The following DCC variants were observed in gnomAD, a reference collection of about 807,000 sequenced individuals.
The protein encoded by DCC is netrin receptor DCC.
In DCC, 58 loss-of-function variants were observed where a neutral mutation model predicts 172.5. The observed-to-expected ratio is 0.34, with a 90% CI of 0.27 to 0.42. DCC has a LOEUF of 0.42. Ranked by LOEUF, DCC falls within the 10% of genes least tolerant of loss-of-function variation. The pLI is 1.00. For missense variants in DCC, 1,740 were observed against 1,791.0 expected (o/e 0.97, Z 0.51); for synonymous variants, 709 against 644.5 (o/e 1.10, Z -1.52).
At chr18:52,830,759 C>T (rs540118305) in intron 2 of DCC, among the ~76,000 whole-genome samples, 1 of 152,218 alleles carries the variant, frequency 6.6e-6, no homozygotes, top group Admixed American at 6.5e-5. Flanking sequence ...TTTTATCTAC[C>T]TTCATAGACC....
intron 1 of DCC, among the ~76,000 whole-genome samples, chr18:52,668,748 G>T (rs1448572944): frequency 6.6e-6 from 1 of 152,184 alleles, no homozygotes; most frequent in Non-Finnish European, 1.5e-5. Context: ...GGTTCCTACT[G>T]AAAGTTGATG....
chr18:53,212,666 GT>G (rs1317502294), intron 11 of DCC, among the ~76,000 whole-genome samples: 57 of 123,148 alleles, frequency 4.6e-4, no homozygotes, highest in East Asian at 1.8e-3. Flanking sequence ...TTCAATTCTT[GT>G]TTTTTTTTTT....
chr18:53,479,491 C>G (rs1322737453), intron 25 of DCC, among the ~76,000 whole-genome samples: 2 of 152,122 alleles, frequency 1.3e-5, no homozygotes, highest in African/African-American at 4.8e-5. Context: ...AATTTTCAAA[C>G]AAAATTAATC....
intron 9 of DCC, among the ~76,000 whole-genome samples, chr18:53,204,120 G>C (rs1056962100): frequency 3.5e-5 from 5 of 142,634 alleles, no homozygotes; most frequent in African/African-American, 1.5e-4. Context: ...AGTATCATAT[G>C]CTTTACTGCA....
intron 15 of DCC, among the ~76,000 whole-genome samples, chr18:53,351,305 ATATATATATACACT>A (rs1395302948): frequency 1.1e-4 from 3 of 26,676 alleles, no homozygotes; most frequent in Admixed American, 7.5e-4. Context: ...ATATATATAT[ATATATATATACACT>A]GTATATATAT....
chr18:52,490,021 A>G (rs1044813955), intron 1 of DCC, among the ~76,000 whole-genome samples: 3 of 152,014 alleles, frequency 2.0e-5, no homozygotes, highest in Admixed American at 2.0e-4. Flanking sequence ...ATATAAATCA[A>G]AATGATGGCA....
intron 2 of DCC, among the ~76,000 whole-genome samples, chr18:52,899,898 A>G (rs2039786056): frequency 1.3e-5 from 2 of 152,188 alleles, no homozygotes; most frequent in Admixed American, 1.3e-4. Context: ...TATCTTAACA[A>G]TGATATATAT....
rs1168421365 is a variant in DCC at position 52,803,233 on chromosome 18, A to G, written c.412+50859A>G. On this transcript the variant is annotated intron_variant, in intron 2 of 28. Transcript: ENST00000442544. ...TTGCACTAAACACTATGAAAAATATACAAGAACTGCAAGAGATCACTTTTT... is the reference window on the plus strand; with the variant it reads ...TTGCACTAAACACTATGAAAAATATGCAAGAACTGCAAGAGATCACTTTTT... 2.0e-5 allele frequency among the ~76,000 whole-genome samples: 3 copies of G among 152,214 alleles called. No homozygotes were observed. The East Asian group carries it at 5.8e-4, about 29-fold the overall frequency.
chr18:52,693,723 G>A (rs1428653196), intron 1 of DCC, among the ~76,000 whole-genome samples: 1 of 151,924 alleles, frequency 6.6e-6, no homozygotes, highest in Non-Finnish European at 1.5e-5. Flanking sequence ...GCCAGGGACT[G>A]CTCAAAACAA....
intron 2 of DCC, among the ~76,000 whole-genome samples, chr18:52,838,892 T>C (rs891191181): frequency 6.6e-6 from 1 of 152,158 alleles, no homozygotes; most frequent in African/African-American, 2.4e-5. Context: ...TCTTAGAAGA[T>C]AGGTGATTTG....
At chr18:52,518,926 T>C (rs977340602) in intron 1 of DCC, among the ~76,000 whole-genome samples, 1 of 152,226 alleles carries the variant, frequency 6.6e-6, no homozygotes, top group Non-Finnish European at 1.5e-5. Flanking sequence ...GTCTAAGCAT[T>C]TGAGGTCCTG....
At chr18:52,702,884 C>T (rs776444903) in intron 1 of DCC, among the ~76,000 whole-genome samples, 4 of 152,148 alleles carry the variant, frequency 2.6e-5, no homozygotes, top group Non-Finnish European at 4.4e-5. Flanking sequence ...TATGCATTTA[C>T]AAGACCTTGG....
intron 11 of DCC, among the ~76,000 whole-genome samples, chr18:53,210,592 GC>G: frequency 6.6e-6 from 1 of 151,918 alleles, no homozygotes; most frequent in Non-Finnish European, 1.5e-5. Context: ...GTATGCAAAG[GC>G]TTATCTTTAG....
At chr18:52,969,648 T>C (rs1220631292) in intron 5 of DCC, among the ~76,000 whole-genome samples, 1 of 151,432 alleles carries the variant, frequency 6.6e-6, no homozygotes, top group African/African-American at 2.4e-5. Flanking sequence ...TGTCTCTCTC[T>C]CTCTTTCTCA....
At chr18:53,442,254 G>A (rs1912322566) in intron 22 of DCC, among the ~76,000 whole-genome samples, 1 of 152,154 alleles carries the variant, frequency 6.6e-6, no homozygotes, top group Admixed American at 6.5e-5. Flanking sequence ...CCTGCATTGT[G>A]CAAGACTATT....
chr18:53,236,854 T>A (rs1810847291), intron 12 of DCC, among the ~76,000 whole-genome samples: 1 of 152,056 alleles, frequency 6.6e-6, no homozygotes, highest in Admixed American at 6.6e-5. Context: ...TTTAGTGCCT[T>A]TCTTGAAAAC....
intron 7 of DCC, among the ~76,000 whole-genome samples, chr18:53,074,747 A>G (rs2042702808): frequency 6.6e-6 from 1 of 152,142 alleles, no homozygotes; most frequent in Non-Finnish European, 1.5e-5. Context: ...TGACCATATA[A>G]TACTCACCTA....
At chr18:52,656,018 G>T (rs56202709) in intron 1 of DCC, among the ~76,000 whole-genome samples, 1 of 107,900 alleles carries the variant, frequency 9.3e-6, no homozygotes, top group Non-Finnish European at 2.0e-5. Flanking sequence ...ATATATGTGT[G>T]TATATATATG....
At chr18:52,639,044 T>C (rs1294546106) in intron 1 of DCC, among the ~76,000 whole-genome samples, 2 of 152,126 alleles carry the variant, frequency 1.3e-5, no homozygotes, top group African/African-American at 4.8e-5. Flanking sequence ...AATTAAATAA[T>C]CTGCTCCTGA....
Sources: gnomAD v4.1 joint callset for allele counts (sites outside exome capture counted in the v4.1 genomes callset) on GRCh38, gnomAD v4.1.1 for gene constraint, MANE v1.5 for transcripts, NCBI Gene and HGNC (gene_info 2026-07-23, HGNC 2026-07-21) for gene names.